PLCH1: variants seen among roughly 807,000 people sequenced by gnomAD.
The protein encoded by PLCH1 is phospholipase C eta 1, also known as 1-phosphatidylinositol 4,5-bisphosphate phosphodiesterase eta-1.
PLCH1 carries 60 observed loss-of-function variants against 126.7 expected under a neutral mutation model. The ratio of observed to expected loss-of-function variants is 0.47; its 90% CI spans 0.38 to 0.59. The LOEUF is 0.59. PLCH1 is among the 20% of genes least tolerant of loss of function. The probability of loss-of-function intolerance (pLI) is 0.00; values close to 1 mark genes in which losing one functional copy is unlikely to be tolerated. For synonymous variants in PLCH1, 719 were observed against 734.9 expected (o/e 0.98, Z 0.35); for missense variants, 1,723 against 2,040.0 (o/e 0.84, Z 2.99).
chr3:155,587,128 T>C (rs1159182742), intron 4 of PLCH1, among the ~76,000 whole-genome samples: 2 of 152,138 alleles, frequency 1.3e-5, no homozygotes, highest in Non-Finnish European at 2.9e-5. Flanking sequence ...AAGGTTAGAG[T>C]TCTTCGTTTA....
rs571004981 is a variant in PLCH1 at position 155,493,792 on chromosome 3, C to T, written c.2182+349G>A. ...TTGAAGCTTCCCAGCAGGTCACAGA[C>T]TCACATTACTTAAGATAGTTTCTGA... On this transcript the variant is annotated intron_variant, in intron 17 of 22. Transcript: ENST00000460012. Among the ~76,000 whole-genome samples, 3 of 152,320 alleles carry T rather than the reference C, an allele frequency of 2.0e-5. No individual in the cohort carries two copies. The East Asian group carries it at 5.8e-4, about 29-fold the overall frequency.
rs1386896632 is a variant in PLCH1, at chr3:155,592,514, G to T, written c.470+1427C>A. On this transcript the variant is annotated intron_variant, in intron 4 of 22. Transcript: ENST00000460012. The stretch of plus-strand genomic sequence containing the variant: ...CATCTCCAAAAAAAAAAAAAAAATT[G>T]TGAGAAGAAACTCTACTACCTCTGT... 2.9e-5 allele frequency among the ~76,000 whole-genome samples: 4 copies of T among 137,784 alleles called. No individual in the cohort carries two copies. In the East Asian group the frequency reaches 8.2e-4, roughly 28 times the overall value. The allele number at this position is 137,784 out of a possible 152,430, so 90.4% of individuals were successfully genotyped here. A position where few individuals can be genotyped will look rare whatever the true frequency, so the allele number is the denominator to read the frequency against.
intron 13 of PLCH1, 146 bp from the exon 14 acceptor site, chr3:155,500,940 G>C (rs1038509573): frequency 4.9e-6 from 3 of 606,380 alleles, no homozygotes; most frequent in Non-Finnish European, 8.8e-6. Flanking sequence ...GCTTGCTTCA[G>C]CATTAATAAC....
At chr3:155,740,363 A>T (rs903105344) in intron 1 of PLCH1, among the ~76,000 whole-genome samples, 1 of 150,232 alleles carries the variant, frequency 6.7e-6, no homozygotes, top group Admixed American at 6.7e-5. Context: ...GTGAGCCAAG[A>T]TCTACTGCAC....
chr3:155,706,403 C>T (rs563615780), intron 1 of PLCH1, among the ~76,000 whole-genome samples: 187 of 151,678 alleles, frequency 1.2e-3, no homozygotes, highest in African/African-American at 4.4e-3. Context: ...GGGCAGATCA[C>T]GAGGTCAGGA....
chr3:155,601,827 C>T (rs528246198), intron 2 of PLCH1, among the ~76,000 whole-genome samples: 1 of 152,218 alleles, frequency 6.6e-6, no homozygotes, highest in East Asian at 1.9e-4. Context: ...TCCATTATCC[C>T]TCATGCCCAT....
intron 2 of PLCH1, among the ~76,000 whole-genome samples, chr3:155,667,404 G>A (rs1256775358): frequency 2.6e-5 from 4 of 151,766 alleles, no homozygotes; most frequent in Non-Finnish European, 5.9e-5. Flanking sequence ...CTTTAATAAA[G>A]GAATAAGAAA....
At chr3:155,547,601 T>C (rs1417247068) in intron 10 of PLCH1, among the ~76,000 whole-genome samples, 1 of 152,180 alleles carries the variant, frequency 6.6e-6, no homozygotes, top group Non-Finnish European at 1.5e-5. Flanking sequence ...GTATGTTTAC[T>C]GTGGCATTAT....
At chr3:155,469,120 A>AC in intron 21 of PLCH1, among the ~76,000 whole-genome samples, 1 of 152,294 alleles carries the variant, frequency 6.6e-6, no homozygotes, top group East Asian at 1.9e-4. Flanking sequence ...TCCCAACGTG[A>AC]GCGACGCAGA....
intron 2 of PLCH1, among the ~76,000 whole-genome samples, chr3:155,698,988 T>TC (rs1274863102): frequency 9.6e-6 from 1 of 104,114 alleles, no homozygotes; most frequent in African/African-American, 6.3e-5. Context: ...CCTATCTTCT[T>TC]TTTTTTTTTT....
intron 1 of PLCH1, among the ~76,000 whole-genome samples, chr3:155,708,540 T>C: frequency 6.6e-6 from 1 of 152,208 alleles, no homozygotes; most frequent in Non-Finnish European, 1.5e-5. Flanking sequence ...CCAAAGCAGG[T>C]TGAGTCTTTC....
chr3:155,553,787 A>C (rs1002366051), intron 9 of PLCH1, among the ~76,000 whole-genome samples: 2 of 152,066 alleles, frequency 1.3e-5, no homozygotes, highest in Admixed American at 6.6e-5. Flanking sequence ...TTTTATGGAC[A>C]CTCTACACCC....
rs539891701 is a variant in PLCH1, at chr3:155,738,294, G to A, written c.-41+6546C>T. On this transcript the variant is annotated intron_variant, in intron 1 of 22. Coordinates refer to ENST00000460012, the MANE Select transcript of PLCH1 (RefSeq NM_014996.4). ...TTCTAGCCTGGAGTCAGGTACTAGGGAAGAAAGAAGACCCAGAAGAAGGGT... is the reference window on the plus strand; with the variant it reads ...TTCTAGCCTGGAGTCAGGTACTAGGAAAGAAAGAAGACCCAGAAGAAGGGT... 2.6e-5 allele frequency among the ~76,000 whole-genome samples: 4 copies of A among 152,310 alleles called. No homozygotes were observed. In the East Asian group the frequency reaches 7.7e-4, roughly 29 times the overall value.
intron 10 of PLCH1, among the ~76,000 whole-genome samples, chr3:155,542,818 G>A (rs1367857144): frequency 6.6e-6 from 1 of 152,168 alleles, no homozygotes; most frequent in Non-Finnish European, 1.5e-5. Flanking sequence ...CAGACCTGCA[G>A]CTGAGGGTCC....
In PLCH1 at chr3:155,596,401, T is replaced by A; in HGVS notation, c.80-23A>T. The A allele has an allele frequency of 2.5e-6, 4 of 1,604,002 alleles. No individual in the cohort carries two copies. The Middle Eastern group carries it at 6.6e-4, about 266-fold the overall frequency. ...CAACTGCAAAAGAAATTAGAGTGTA[T>A]CCAGCTATCACACAATGCACAGGCA... On this transcript the variant is annotated intron_variant, in intron 2 of 22. Transcript: ENST00000460012.
Position 155,674,173 on chromosome 3 carries a change from C to A in PLCH1, c.79+29973G>T, listed in dbSNP as rs191937667. The stretch of plus-strand genomic sequence containing the variant: ...TTTTATGTTGCAGTTCAGGTCCCTA[C>A]GTCTTCTCAGTGTTGTTCAGAATCA... On this transcript the variant is annotated intron_variant, in intron 2 of 22. Transcript: ENST00000460012. Among the ~76,000 whole-genome samples, 32 of 152,252 alleles carry A rather than the reference C, an allele frequency of 2.1e-4. 1 individual carries two copies. The highest frequency in any genetic ancestry group is 2.0e-3 in the Admixed American group (31 of 15,288).
At chr3:155,569,616 G>A (rs894785984) in intron 6 of PLCH1, among the ~76,000 whole-genome samples, 2 of 152,190 alleles carry the variant, frequency 1.3e-5, no homozygotes, top group Admixed American at 6.5e-5. Flanking sequence ...GGCAGGCTTT[G>A]AGCAGCTCAT....
chr3:155,722,227 G>C (rs55989602), intron 1 of PLCH1, among the ~76,000 whole-genome samples: 60,211 of 151,294 alleles, frequency 0.4, 13,414 homozygotes, highest in African/African-American at 0.59. Context: ...GCAATGACGT[G>C]ATCTCGGCTC....
chr3:155,669,866 C>A (rs2108977872), intron 2 of PLCH1, among the ~76,000 whole-genome samples: 1 of 152,244 alleles, frequency 6.6e-6, no homozygotes, highest in Admixed American at 6.5e-5. Context: ...GATGTATAGT[C>A]TTCGTTCTCT....
Sources: allele counts gnomAD v4.1 joint callset (sites outside exome capture counted in the v4.1 genomes callset), GRCh38; gene constraint gnomAD v4.1.1; transcripts MANE v1.5; gene names NCBI Gene and HGNC (gene_info 2026-07-23, HGNC 2026-07-21).